CLMN: variants seen among roughly 807,000 people sequenced by gnomAD.
CLMN encodes calmin (calponin-like, transmembrane).
In CLMN, 57 loss-of-function variants were observed where a neutral mutation model predicts 92.7. The observed-to-expected ratio is 0.61, with a 90% CI of 0.50 to 0.77. The LOEUF (loss-of-function observed/expected upper bound fraction) is 0.77. Among genes scored for constraint, CLMN ranks in the 30% least tolerant of loss-of-function variants. The pLI is 0.00. For synonymous variants in CLMN, 466 were observed against 470.6 expected (o/e 0.99, Z 0.13); for missense variants, 1,158 against 1,237.5 (o/e 0.94, Z 0.96).
chr14:95,245,267 A>AT (rs1898498216), intron 1 of CLMN, among the ~76,000 whole-genome samples: 2 of 49,906 alleles, frequency 4.0e-5, no homozygotes, highest in African/African-American at 1.0e-4. Context: ...ATATATATAT[A>AT]TATTATATAT....
rs141729958 is a variant in CLMN, at chr14:95,301,757, C to T, written c.82+17954G>A. Among the ~76,000 whole-genome samples, 501 of 152,366 alleles carry T rather than the reference C, an allele frequency of 3.3e-3. 5 individuals are homozygous for T. The highest frequency in any genetic ancestry group is 4.9e-3 in the Non-Finnish European group (330 of 68,032). ...CCCACCTACTTGAGCCTCCACCCAACGCAAAGTCCTTCTATAGGAAACTTT... is the reference window on the plus strand; with the variant it reads ...CCCACCTACTTGAGCCTCCACCCAATGCAAAGTCCTTCTATAGGAAACTTT... On this transcript the variant is annotated intron_variant, in intron 1 of 12. Coordinates refer to ENST00000298912, the MANE Select transcript of CLMN (RefSeq NM_024734.4).
chr14:95,271,120 A>G (rs1160353903), intron 1 of CLMN, among the ~76,000 whole-genome samples: 2 of 152,228 alleles, frequency 1.3e-5, no homozygotes, highest in African/African-American at 2.4e-5. Context: ...ATGAAGAAAT[A>G]TCTACTCAAA....
At chr14:95,303,845 A>G (rs1336500195) in intron 1 of CLMN, among the ~76,000 whole-genome samples, 3 of 152,218 alleles carry the variant, frequency 2.0e-5, no homozygotes, top group Non-Finnish European at 4.4e-5. Flanking sequence ...ATGAGGACGG[A>G]CCCAACTGGG....
Position 95,203,033 on chromosome 14 carries a change from C to T in CLMN, c.2316G>A (p.Glu772=), listed in dbSNP as rs764664676. The change falls in exon 9 of 13, where the codon GAG becomes GAA. Residue 772 remains glutamate, a synonymous_variant. Transcript: ENST00000298912. ...GYMPDLDSRE[E]EADGSQSSSS... is the part of the protein sequence containing the mutation. ...AGCTGCTCTGAGAGCCATCGGCCTCCTCCTCCCTGGAGTCCAGGTCTGGCA... is the reference window on the plus strand; with the variant it reads ...AGCTGCTCTGAGAGCCATCGGCCTCTTCCTCCCTGGAGTCCAGGTCTGGCA... 6.2e-7 allele frequency: 1 copy of T among 1,614,146 alleles called. No homozygotes were observed. Among genetic ancestry groups the T allele is most frequent in the Non-Finnish European group, 8.5e-7 (1 of 1,180,024 alleles).
chr14:95,281,466 C>G (rs538237229), intron 1 of CLMN, among the ~76,000 whole-genome samples: 3 of 152,180 alleles, frequency 2.0e-5, no homozygotes, highest in Non-Finnish European at 4.4e-5. Context: ...AACTATGGTA[C>G]ACCTGTTATT....
chr14:95,248,133 G>A (rs917386593), intron 1 of CLMN, among the ~76,000 whole-genome samples: 8 of 151,510 alleles, frequency 5.3e-5, no homozygotes, highest in Admixed American at 5.3e-4. Context: ...AGAGGAAAGA[G>A]GGGAAAAGAA....
chr14:95,313,644 A>C lies in CLMN; in HGVS notation c.82+6067T>G, dbSNP rs532535392. Among the ~76,000 whole-genome samples the C allele has an allele frequency of 1.2e-3, 183 of 152,062 alleles. 1 individual carries two copies. Among genetic ancestry groups the C allele is most frequent in the Non-Finnish European group, 1.5e-3 (101 of 67,952 alleles). ...CGCAATCTACCACTGTTTAAACAAAAAAAAAAAAAAGGCATGGGGAAAGAA... is the reference window on the plus strand; with the variant it reads ...CGCAATCTACCACTGTTTAAACAAACAAAAAAAAAAGGCATGGGGAAAGAA... On this transcript the variant is annotated intron_variant, in intron 1 of 12. Coordinates refer to ENST00000298912, the MANE Select transcript of CLMN (RefSeq NM_024734.4).
chr14:95,294,179 T>C lies in CLMN; in HGVS notation c.82+25532A>G, dbSNP rs1377818241. On this transcript the variant is annotated intron_variant, in intron 1 of 12. Coordinates refer to ENST00000298912, the MANE Select transcript of CLMN (RefSeq NM_024734.4). The surrounding 1 kb of genome is among the most constrained non-coding windows in gnomAD (Gnocchi z 4.2). ...TGGGGGAGTGGGCTGGATTCACTTA[T>C]ATTTCCAGAAATATTTGCTAAGCAC... Among the ~76,000 whole-genome samples the C allele has an allele frequency of 6.6e-6, 1 of 152,226 alleles. No homozygotes were observed. Among genetic ancestry groups the C allele is most frequent in the Admixed American group, 6.5e-5 (1 of 15,290 alleles).
At chr14:95,317,619 G>C (rs980508665) in intron 1 of CLMN, among the ~76,000 whole-genome samples, 1 of 151,244 alleles carries the variant, frequency 6.6e-6, no homozygotes, top group Non-Finnish European at 1.5e-5. Flanking sequence ...AAAAAGGCCA[G>C]AGTACATACT....
At chr14:95,291,719 A>T (rs762506314) in intron 1 of CLMN, among the ~76,000 whole-genome samples, 16 of 152,164 alleles carry the variant, frequency 1.1e-4, no homozygotes, top group Non-Finnish European at 1.9e-4. Context: ...CTCTAAGATC[A>T]CCAGAAATGG....
intron 9 of CLMN, among the ~76,000 whole-genome samples, chr14:95,200,794 CA>C (rs1896856444): frequency 6.6e-6 from 1 of 152,074 alleles, no homozygotes; most frequent in South Asian, 2.1e-4. Context: ...CCACAGAAAC[CA>C]AAGATTAGTG....
intron 1 of CLMN, among the ~76,000 whole-genome samples, chr14:95,233,751 T>C (rs189044577): frequency 1.8e-4 from 27 of 152,308 alleles, no homozygotes; most frequent in East Asian, 1.2e-3. Context: ...GCTGGCAGAA[T>C]TGGAACAAGG....
Position 95,304,626 on chromosome 14 carries a change from T to A in CLMN, c.82+15085A>T, listed in dbSNP as rs556384616. Among the ~76,000 whole-genome samples the A allele has an allele frequency of 5.1e-4, 77 of 152,112 alleles. 1 individual carries two copies. Among genetic ancestry groups the A allele is most frequent in the Middle Eastern group, 6.8e-3 (2 of 294 alleles). ...GAAGAGGTTAAAAATACTGAGAAGA[T>A]CTCAATGCAAATTGTACTGTACAAT... On this transcript the variant is annotated intron_variant, in intron 1 of 12. Transcript: ENST00000298912.
At position 95,224,625 on chromosome 14, in the gene CLMN, G is replaced by A. The variant is rs577225109; in HGVS notation, c.145-770C>T. On this transcript the variant is annotated intron_variant, in intron 2 of 12. Transcript: ENST00000298912. The stretch of plus-strand genomic sequence containing the variant: ...GGGGAAACTGAGGCTCAAAGAGGAT[G>A]AGTGATAGTCGCAGCATTTGGTCAA... 2.6e-5 allele frequency among the ~76,000 whole-genome samples: 4 copies of A among 152,324 alleles called. No homozygotes were observed. The South Asian group carries it at 8.3e-4, about 32-fold the overall frequency.
rs1896556570 is a variant in CLMN, at chr14:95,191,420, A to AC, written c.*143_*144insG. 5 of 513,236 alleles carry AC rather than the reference A, an allele frequency of 9.7e-6. No individual in the cohort carries two copies. The highest frequency in any genetic ancestry group is 8.5e-5 in the Admixed American group (2 of 23,634). The allele number at this position is 513,236 out of a possible 1,614,324, so 31.8% of individuals were successfully genotyped here. A position where few individuals can be genotyped will look rare whatever the true frequency, so the allele number is the denominator to read the frequency against. On this transcript the variant is annotated 3_prime_UTR_variant, in exon 13 of 13. Transcript: ENST00000298912. The surrounding 1 kb of genome is among the most constrained non-coding windows in gnomAD (Gnocchi z 5.3). ...AAAGGAAACCTGAAAAAAAAAAAAA[A>AC]ACCACAATAGCGAGAAAGGGGGTCT... is the stretch of plus-strand genomic sequence containing the variant.
chr14:95,241,236 T>G (rs1433606442), intron 1 of CLMN, among the ~76,000 whole-genome samples: 3 of 152,102 alleles, frequency 2.0e-5, no homozygotes, highest in Non-Finnish European at 4.4e-5. Flanking sequence ...TCTAGTATTA[T>G]GGTGACCAAC....
At position 95,256,444 on chromosome 14, in the gene CLMN, C is replaced by T. The variant is rs141979363; in HGVS notation, c.83-26311G>A. On this transcript the variant is annotated intron_variant, in intron 1 of 12. Coordinates refer to ENST00000298912, the MANE Select transcript of CLMN (RefSeq NM_024734.4). This position sits in a 1 kb window ranked among gnomAD's most constrained non-coding sequence, Gnocchi z 4.9. ...TTGCAGTGCTTGACACTGAGAAGCA[C>T]TCTAACTCCTTCTTTGTGAACACGT... Among the ~76,000 whole-genome samples the T allele has an allele frequency of 6.6e-6, 1 of 152,354 alleles. No homozygotes were observed. Among genetic ancestry groups the T allele is most frequent in the African/African-American group, 2.4e-5 (1 of 41,588 alleles).
intron 1 of CLMN, among the ~76,000 whole-genome samples, chr14:95,289,904 C>G (rs556965434): frequency 6.6e-6 from 1 of 152,242 alleles, no homozygotes; most frequent in Non-Finnish European, 1.5e-5. Flanking sequence ...TCACCTCCCC[C>G]ACCAGGGGGT....
At chr14:95,250,763 A>G (rs1307352989) in intron 1 of CLMN, among the ~76,000 whole-genome samples, 1 of 152,228 alleles carries the variant, frequency 6.6e-6, no homozygotes, top group Non-Finnish European at 1.5e-5. Flanking sequence ...CTCTTACTTC[A>G]GGTACAAAGA....
Sources: allele counts gnomAD v4.1 joint callset (sites outside exome capture counted in the v4.1 genomes callset), GRCh38; gene constraint gnomAD v4.1.1; non-coding constraint Gnocchi (gnomAD v3.1); transcripts MANE v1.5; gene names NCBI Gene and HGNC (gene_info 2026-07-23, HGNC 2026-07-21).